CCDC91: variants seen among roughly 807,000 people sequenced by gnomAD.
CCDC91 encodes the protein coiled-coil domain-containing protein 91.
Under a neutral mutation model 63.2 loss-of-function variants are expected in CCDC91, and 48 were observed. The observed-to-expected ratio is 0.76, with a 90% confidence interval of 0.60 to 0.97. The LOEUF (loss-of-function observed/expected upper bound fraction) is 0.97, where lower values mean the gene tolerates loss of function less well. Ranked by LOEUF, CCDC91 falls within the 50% of genes least tolerant of loss-of-function variation. The pLI is 0.00. For synonymous variants in CCDC91, 167 were observed against 165.8 expected (o/e 1.01, Z -0.06); for missense variants, 500 against 494.6 (o/e 1.01, Z -0.10).
intron 8 of CCDC91, among the ~76,000 whole-genome samples, chr12:28,432,336 C>T (rs1400270281): frequency 6.6e-6 from 1 of 152,090 alleles, no homozygotes; most frequent in African/African-American, 2.4e-5. Context: ...GACCTGATCA[C>T]CTCCTGTCTA....
At chr12:28,463,797 T>A (rs1309323508) in intron 11 of CCDC91, among the ~76,000 whole-genome samples, 1 of 152,282 alleles carries the variant, frequency 6.6e-6, no homozygotes, top group Non-Finnish European at 1.5e-5. Flanking sequence ...CAAAAAACTT[T>A]TTTTTGAAGA....
At chr12:28,348,961 C>G (rs1165002322) in intron 6 of CCDC91, among the ~76,000 whole-genome samples, 1 of 152,118 alleles carries the variant, frequency 6.6e-6, no homozygotes. Context: ...TGACCTCAAG[C>G]AATCCACCCA....
At chr12:28,361,072 A>G (rs1434359963) in intron 6 of CCDC91, among the ~76,000 whole-genome samples, 2 of 151,662 alleles carry the variant, frequency 1.3e-5, no homozygotes, top group Non-Finnish European at 1.5e-5. Flanking sequence ...TTTCATTTTT[A>G]GAAATATTTA....
chr12:28,528,526 G>A (rs1400177470), intron 12 of CCDC91, among the ~76,000 whole-genome samples: 4 of 152,162 alleles, frequency 2.6e-5, no homozygotes, highest in Non-Finnish European at 4.4e-5. Context: ...CAGAGGGTCT[G>A]TGGGTTCTCT....
chr12:28,393,208 T>C (rs1445810886), intron 8 of CCDC91, among the ~76,000 whole-genome samples: 1 of 152,160 alleles, frequency 6.6e-6, no homozygotes, highest in Non-Finnish European at 1.5e-5. Context: ...TTTCTGAACC[T>C]GCTTCCTGTC....
chr12:28,505,292 T>C (rs1203135187), intron 12 of CCDC91: 1 of 151,866 alleles, frequency 6.6e-6, no homozygotes, highest in Non-Finnish European at 1.5e-5. Context: ...TCTTACTGGC[T>C]TCTTCTTATT....
At chr12:28,513,584 G>A (rs1462105911) in intron 12 of CCDC91, among the ~76,000 whole-genome samples, 6 of 151,950 alleles carry the variant, frequency 3.9e-5, no homozygotes, top group Admixed American at 3.9e-4. Context: ...GGTCCCAAGA[G>A]GGATACTCAA....
intron 3 of CCDC91, among the ~76,000 whole-genome samples, chr12:28,296,099 G>C (rs1483274234): frequency 6.6e-6 from 1 of 151,330 alleles, no homozygotes; most frequent in Non-Finnish European, 1.5e-5. Flanking sequence ...TTCTTGCTGT[G>C]ATATTAAAGA....
chr12:28,333,909 T>C (rs1222362246), intron 6 of CCDC91, among the ~76,000 whole-genome samples: 5 of 152,232 alleles, frequency 3.3e-5, no homozygotes, highest in African/African-American at 9.6e-5. Context: ...TGAAGATCTT[T>C]TTGTTAATCA....
chr12:28,444,527 G>A (rs1949399085), intron 8 of CCDC91, among the ~76,000 whole-genome samples: 1 of 152,124 alleles, frequency 6.6e-6, no homozygotes, highest in South Asian at 2.1e-4. Context: ...ACGTGTTTGT[G>A]GGAACATGGA....
intron 8 of CCDC91, among the ~76,000 whole-genome samples, chr12:28,425,355 C>A (rs1948251620): frequency 6.6e-6 from 1 of 152,116 alleles, no homozygotes; most frequent in African/African-American, 2.4e-5. Flanking sequence ...CACTTTTCCC[C>A]CTTCTCACTC....
At chr12:28,394,737 T>TCTCTCTCTCTCTC (rs1216042442) in intron 8 of CCDC91, among the ~76,000 whole-genome samples, 20 of 151,654 alleles carry the variant, frequency 1.3e-4, no homozygotes, top group Non-Finnish European at 1.8e-4. Flanking sequence ...TCTCTCCCCC[T>TCTCTCTCTCTCTC]TTTTCAGATT....
intron 12 of CCDC91, among the ~76,000 whole-genome samples, chr12:28,525,232 G>A (rs777559230): frequency 2.6e-5 from 4 of 152,086 alleles, no homozygotes; most frequent in South Asian, 2.1e-4. Context: ...TGATATAGGC[G>A]TTTAGGGCTG....
intron 6 of CCDC91, among the ~76,000 whole-genome samples, chr12:28,354,568 C>A (rs1294251956): frequency 6.6e-6 from 1 of 152,024 alleles, no homozygotes; most frequent in East Asian, 1.9e-4. Context: ...TATATGAAGG[C>A]AAATAATAAT....
At chr12:28,333,076 T>A (rs539766554) in intron 6 of CCDC91, among the ~76,000 whole-genome samples, 3 of 152,032 alleles carry the variant, frequency 2.0e-5, no homozygotes, top group Non-Finnish European at 4.4e-5. Context: ...TAGCTGAGAA[T>A]GTGTATGTTG....
At chr12:28,360,463 G>T (rs566385758) in intron 6 of CCDC91, among the ~76,000 whole-genome samples, 8 of 152,284 alleles carry the variant, frequency 5.3e-5, no homozygotes, top group African/African-American at 1.4e-4. Flanking sequence ...GTTGCAGCAC[G>T]TGTCTTCTGC....
chr12:28,396,048 A>G (rs1946266812), intron 8 of CCDC91, among the ~76,000 whole-genome samples: 1 of 152,190 alleles, frequency 6.6e-6, no homozygotes, highest in Admixed American at 6.5e-5. Context: ...TTTTAAAATC[A>G]TATAAGTTAG....
chr12:28,395,636 A>T lies in CCDC91; in HGVS notation c.762+4225A>T, dbSNP rs1946243908. On this transcript the variant is annotated intron_variant, in intron 8 of 12. Coordinates refer to ENST00000536442, the MANE Select transcript of CCDC91 (RefSeq NM_018318.5). ...TGGGGAAGGAAGGAGCCTGGTACAGAGATCCTAAAATCTTGGAATTTTCAG... is the reference window on the plus strand; with the variant it reads ...TGGGGAAGGAAGGAGCCTGGTACAGTGATCCTAAAATCTTGGAATTTTCAG... Among the ~76,000 whole-genome samples, 3 of 152,328 alleles carry T rather than the reference A, an allele frequency of 2.0e-5. No homozygotes were observed. The South Asian group carries it at 6.2e-4, about 32-fold the overall frequency.
chr12:28,402,565 AC>A (rs1946699450), intron 8 of CCDC91, among the ~76,000 whole-genome samples: 1 of 91,988 alleles, frequency 1.1e-5, no homozygotes, highest in Non-Finnish European at 2.0e-5. Context: ...TGGATTTTCT[AC>A]ACAGACAATC....
Sources: allele counts gnomAD v4.1 joint callset (sites outside exome capture counted in the v4.1 genomes callset), GRCh38; gene constraint gnomAD v4.1.1; transcripts MANE v1.5; gene names NCBI Gene and HGNC (gene_info 2026-07-23, HGNC 2026-07-21).